GGTA1: variants seen among roughly 807,000 people sequenced by gnomAD.
GGTA1 encodes the protein inactive N-acetyllactosaminide alpha-1,3-galactosyltransferase.
GGTA1 carries 5 observed loss-of-function variants against 2.6 expected under a neutral mutation model. The ratio of observed to expected loss-of-function variants is 1.92; its 90% CI spans 1.00 to 4.04. GGTA1 has a LOEUF of 4.04. Among genes scored for constraint, GGTA1 ranks in the 30% most tolerant of loss-of-function variants. The pLI is 0.00. For synonymous variants in GGTA1, 17 were observed against 5.0 expected (o/e 3.38, Z -3.19); for missense variants, 50 against 16.7 (o/e 2.99, Z -3.47).
At chr9:121,459,679 A>G (rs1295608803) in intron 5 of GGTA1, among the ~76,000 whole-genome samples, 2 of 152,020 alleles carry the variant, frequency 1.3e-5, no homozygotes, top group Non-Finnish European at 2.9e-5. Flanking sequence ...CAATGGCACC[A>G]TCACCCACCA....
chr9:121,494,280 C>T (rs1202898007), intron 1 of GGTA1, among the ~76,000 whole-genome samples: 1 of 152,180 alleles, frequency 6.6e-6, no homozygotes, highest in Admixed American at 6.5e-5. Flanking sequence ...CACCCCACTG[C>T]CATCACTGCC....
At chr9:121,496,728 T>G (rs1828999881) in intron 1 of GGTA1, among the ~76,000 whole-genome samples, 1 of 27,136 alleles carries the variant, frequency 3.7e-5, no homozygotes, top group Non-Finnish European at 6.7e-5. Context: ...CAAGGCTCCA[T>G]CTCAAAAAAA....
At chr9:121,481,084 C>T (rs536156825) in intron 1 of GGTA1, among the ~76,000 whole-genome samples, 20 of 139,588 alleles carry the variant, frequency 1.4e-4, no homozygotes, top group Non-Finnish European at 2.6e-4. Flanking sequence ...ACCCAGGAGG[C>T]GGAGCTTGCA....
chr9:121,491,997 C>T (rs7033546), intron 1 of GGTA1, among the ~76,000 whole-genome samples: 2,667 of 152,164 alleles, frequency 0.018, 72 homozygotes, highest in African/African-American at 0.061. Context: ...GGTATCTAGC[C>T]CAGGACCTAG....
intron 1 of GGTA1, among the ~76,000 whole-genome samples, chr9:121,472,654 G>T (rs759322592): frequency 4.6e-5 from 7 of 152,232 alleles, no homozygotes; most frequent in Non-Finnish European, 1.0e-4. Flanking sequence ...GAAGTGGGAT[G>T]TGACTTTGAT....
intron 1 of GGTA1, among the ~76,000 whole-genome samples, chr9:121,491,886 T>C (rs1482166230): frequency 3.3e-5 from 5 of 152,124 alleles, no homozygotes; most frequent in South Asian, 2.1e-4. Context: ...GGATTACAAG[T>C]GTGAGCCACC....
chr9:121,449,839 C>CAAAAAAAAAAA (rs35123086), intron 7 of GGTA1, among the ~76,000 whole-genome samples: 2 of 94,352 alleles, frequency 2.1e-5, no homozygotes, highest in Non-Finnish European at 3.9e-5. Context: ...GACTCCATCT[C>CAAAAAAAAAAA]AAAAAAAAAA....
At chr9:121,475,456 C>T (rs1828490209) in intron 1 of GGTA1, among the ~76,000 whole-genome samples, 1 of 152,184 alleles carries the variant, frequency 6.6e-6, no homozygotes, top group African/African-American at 2.4e-5. Context: ...TTTACAGATT[C>T]ACCCTCAATT....
At chr9:121,466,971 AGAATCAAAAGAG>A (rs1297377262) in intron 2 of GGTA1, among the ~76,000 whole-genome samples, 1 of 149,756 alleles carries the variant, frequency 6.7e-6, no homozygotes, top group Non-Finnish European at 1.5e-5. Flanking sequence ...AAAAAAAAAA[AGAATCAAAAGAG>A]ATATTCGAAT....
At chr9:121,464,983 A>G (rs141352088) in intron 2 of GGTA1, among the ~76,000 whole-genome samples, 6 of 148,936 alleles carry the variant, frequency 4.0e-5, no homozygotes, top group Middle Eastern at 3.5e-3. Context: ...CAATTCGTAA[A>G]GTGGCAAAAA....
intron 1 of GGTA1, among the ~76,000 whole-genome samples, chr9:121,468,950 A>G (rs949437071): frequency 6.6e-6 from 1 of 152,160 alleles, no homozygotes; most frequent in African/African-American, 2.4e-5. Context: ...TGCCCTTGGT[A>G]TAGTGATAAC....
intron 1 of GGTA1, among the ~76,000 whole-genome samples, chr9:121,489,651 C>T (rs1297175332): frequency 6.6e-6 from 1 of 152,248 alleles, no homozygotes; most frequent in East Asian, 1.9e-4. Flanking sequence ...GCAAAGACCA[C>T]ATACCAGAGC....
chr9:121,463,871 A>T (rs959411202), intron 2 of GGTA1, among the ~76,000 whole-genome samples: 11 of 152,122 alleles, frequency 7.2e-5, no homozygotes, highest in African/African-American at 2.7e-4. Context: ...TCCAGAAAAA[A>T]AAAGCATCAA....
chr9:121,491,608 T>C (rs539190807), intron 1 of GGTA1, among the ~76,000 whole-genome samples: 6 of 152,126 alleles, frequency 3.9e-5, no homozygotes, highest in African/African-American at 1.4e-4. Flanking sequence ...GTTTTTTTTT[T>C]TTTCTTGTTT....
intron 2 of GGTA1, among the ~76,000 whole-genome samples, chr9:121,466,719 G>A (rs1275839475): frequency 2.0e-5 from 3 of 152,070 alleles, no homozygotes; most frequent in African/African-American, 4.8e-5. Context: ...TTGGGAGGCC[G>A]AGGCAGGTGG....
chr9:121,467,722 C>A, intron 2 of GGTA1, 121 bp downstream of exon 2: 1 of 359,450 alleles, frequency 2.8e-6, no homozygotes, highest in Non-Finnish European at 5.5e-6. Flanking sequence ...AGGGTGGAAT[C>A]CCTTATTTAT....
At chr9:121,462,182 G>C (rs774555999) in intron 3 of GGTA1, among the ~76,000 whole-genome samples, 5 of 152,192 alleles carry the variant, frequency 3.3e-5, no homozygotes, top group Middle Eastern at 3.4e-3. Context: ...AAAATTAGCC[G>C]GGCGTGGTGG....
chr9:121,461,697 T>C (rs1159211878), intron 3 of GGTA1, among the ~76,000 whole-genome samples: 1 of 152,252 alleles, frequency 6.6e-6, no homozygotes, highest in African/African-American at 2.4e-5. Context: ...CCAAAAAGTA[T>C]AGTTAATAGT....
chr9:121,448,554 G>T (rs1205028326), intron 7 of GGTA1, among the ~76,000 whole-genome samples: 1 of 152,072 alleles, frequency 6.6e-6, no homozygotes, highest in Non-Finnish European at 1.5e-5. Context: ...TTAAAAAAAG[G>T]ACTATGTTAG....
Sources: allele counts gnomAD v4.1 joint callset (sites outside exome capture counted in the v4.1 genomes callset), GRCh38; gene constraint gnomAD v4.1.1; transcripts MANE v1.5; gene names NCBI Gene and HGNC (gene_info 2026-07-23, HGNC 2026-07-21).